LRRC7: variants seen among roughly 807,000 people sequenced by gnomAD.
The protein encoded by LRRC7 is leucine rich repeat containing 7, also known as leucine-rich repeat-containing protein 7.
LRRC7 carries 23 observed loss-of-function variants against 175.7 expected under a neutral mutation model. That is an observed-to-expected ratio of 0.13 (90% CI 0.09 to 0.19). The LOEUF (loss-of-function observed/expected upper bound fraction) is 0.19, where lower values mean the gene tolerates loss of function less well. Ranked by LOEUF, LRRC7 falls within the 10% of genes least tolerant of loss-of-function variation. LRRC7 has a pLI of 1.00. For synonymous variants in LRRC7, 685 were observed against 680.9 expected, an observed-to-expected ratio of 1.01 and a Z score of -0.09; for missense variants, 1,354 against 1,904.7, an observed-to-expected ratio of 0.71 and a Z score of 5.38.
At chr1:69,948,063 G>C (rs1001490231) in intron 8 of LRRC7, among the ~76,000 whole-genome samples, 2 of 152,060 alleles carry the variant, frequency 1.3e-5, no homozygotes, top group African/African-American at 4.8e-5. Flanking sequence ...TTGGACGAAG[G>C]GGTGACTCAC....
intron 7 of LRRC7, among the ~76,000 whole-genome samples, chr1:69,851,464 T>G (rs1332319766): frequency 1.3e-5 from 2 of 151,948 alleles, no homozygotes; most frequent in Non-Finnish European, 2.9e-5. Context: ...AGGGAAATAA[T>G]TACCAGAAGA....
chr1:70,061,924 C>T (rs1202932080), intron 23 of LRRC7, among the ~76,000 whole-genome samples: 2 of 152,120 alleles, frequency 1.3e-5, no homozygotes, highest in Non-Finnish European at 2.9e-5. Context: ...TACAATCATG[C>T]CGGTCACCTG....
intron 13 of LRRC7, among the ~76,000 whole-genome samples, chr1:70,015,549 G>A (rs1175253664): frequency 6.6e-6 from 1 of 151,994 alleles, no homozygotes; most frequent in Non-Finnish European, 1.5e-5. Context: ...AAGTCTCATT[G>A]GCATGCCTTG....
At chr1:69,806,024 A>G (rs1482248198) in intron 4 of LRRC7, among the ~76,000 whole-genome samples, 1 of 151,904 alleles carries the variant, frequency 6.6e-6, no homozygotes, top group African/African-American at 2.4e-5. Flanking sequence ...AAAAAAATTA[A>G]AAGAGCAAAC....
chr1:69,849,181 G>T (rs1570311756), intron 7 of LRRC7, among the ~76,000 whole-genome samples: 1 of 151,880 alleles, frequency 6.6e-6, no homozygotes, highest in Non-Finnish European at 1.5e-5. Flanking sequence ...AGATTACAAA[G>T]CTATGAATCT....
chr1:69,842,255 A>G lies in LRRC7; in HGVS notation c.647+3972A>G, dbSNP rs183058941. 3.6e-3 allele frequency among the ~76,000 whole-genome samples: 549 copies of G among 152,206 alleles called. 5 individuals are homozygous for G. The highest frequency in any genetic ancestry group is 0.013 in the African/African-American group (532 of 41,560). On this transcript the variant is annotated intron_variant, in intron 7 of 26. Coordinates refer to ENST00000651989, the MANE Select transcript of LRRC7 (RefSeq NM_001370785.2). Reference sequence around the variant, plus strand: ...CATAACATCATATAAATGGTTGGTAATAATGGTGGGTTTTAACTTTAAATA... The same window carrying G: ...CATAACATCATATAAATGGTTGGTAGTAATGGTGGGTTTTAACTTTAAATA...
chr1:69,680,179 C>T (rs1335485948), intron 2 of LRRC7, among the ~76,000 whole-genome samples: 3 of 152,074 alleles, frequency 2.0e-5, no homozygotes, highest in Admixed American at 1.3e-4. Context: ...CAAGCCACAC[C>T]TACTGAATCA....
chr1:69,609,480 A>T (rs897860721), intron 1 of LRRC7, among the ~76,000 whole-genome samples: 4 of 152,044 alleles, frequency 2.6e-5, no homozygotes, highest in African/African-American at 9.7e-5. Flanking sequence ...AGAAAAAAAT[A>T]AAAATGACCA....
At chr1:69,833,044 G>A (rs1680704137) in intron 5 of LRRC7, among the ~76,000 whole-genome samples, 2 of 151,232 alleles carry the variant, frequency 1.3e-5, no homozygotes, top group South Asian at 2.1e-4. Context: ...GGCGGAGGTT[G>A]CAGTGAGCCG....
intron 7 of LRRC7, among the ~76,000 whole-genome samples, chr1:69,904,572 G>A (rs557669255): frequency 1.7e-5 from 1 of 58,860 alleles, no homozygotes; most frequent in Non-Finnish European, 5.2e-5. Flanking sequence ...TTAGTATTTC[G>A]AGTAACATAA....
intron 8 of LRRC7, among the ~76,000 whole-genome samples, chr1:69,961,420 T>G (rs1371691718): frequency 6.6e-6 from 1 of 152,178 alleles, no homozygotes; most frequent in Non-Finnish European, 1.5e-5. Context: ...AAGCAATTTA[T>G]AGATTCAATG....
At chr1:70,043,329 G>T (rs568041470) in intron 21 of LRRC7, among the ~76,000 whole-genome samples, 3 of 152,054 alleles carry the variant, frequency 2.0e-5, no homozygotes, top group Non-Finnish European at 4.4e-5. Flanking sequence ...AGAATATTTG[G>T]ATCCACATAA....
intron 2 of LRRC7, among the ~76,000 whole-genome samples, chr1:69,750,093 T>TAAATAATAAATAATA (rs139997047): frequency 7.0e-6 from 1 of 142,202 alleles, no homozygotes; most frequent in Admixed American, 7.1e-5. Context: ...AATAAATAAA[T>TAAATAATAAATAATA]AATAATAACT....
intron 1 of LRRC7, among the ~76,000 whole-genome samples, chr1:69,659,081 A>G (rs1289000614): frequency 6.6e-6 from 1 of 152,028 alleles, no homozygotes; most frequent in Non-Finnish European, 1.5e-5. Flanking sequence ...CTGCTCACCC[A>G]CAGCCTACTA....
chr1:70,016,770 G>C (rs1361618367), intron 14 of LRRC7, among the ~76,000 whole-genome samples: 1 of 151,878 alleles, frequency 6.6e-6, no homozygotes, highest in Non-Finnish European at 1.5e-5. Context: ...AATTCTCTGA[G>C]ATCTAATACA....
At chr1:69,953,443 T>C (rs1650159531) in intron 8 of LRRC7, among the ~76,000 whole-genome samples, 2 of 152,068 alleles carry the variant, frequency 1.3e-5, no homozygotes, top group Admixed American at 1.3e-4. Context: ...TTTTGCCTTA[T>C]GTCTTAGTTG....
chr1:70,061,932 C>A (rs974643025), intron 23 of LRRC7, among the ~76,000 whole-genome samples: 2 of 152,080 alleles, frequency 1.3e-5, no homozygotes, highest in African/African-American at 4.8e-5. Flanking sequence ...TGCCGGTCAC[C>A]TGAGAGGCAG....
chr1:69,911,188 CG>C (rs200168506), intron 7 of LRRC7, among the ~76,000 whole-genome samples: 4,183 of 152,244 alleles, frequency 0.027, 189 homozygotes, highest in African/African-American at 0.095. Context: ...GGCTCGCGCA[CG>C]GTGCACTGCA....
chr1:69,913,191 A>T (rs1317420864), intron 7 of LRRC7, among the ~76,000 whole-genome samples: 1 of 152,214 alleles, frequency 6.6e-6, no homozygotes, highest in East Asian at 1.9e-4. Context: ...ATAAACATTA[A>T]CAAAGTGGTT....
Sources: gnomAD v4.1 joint callset for allele counts (sites outside exome capture counted in the v4.1 genomes callset) on GRCh38, gnomAD v4.1.1 for gene constraint, MANE v1.5 for transcripts, NCBI Gene and HGNC (gene_info 2026-07-23, HGNC 2026-07-21) for gene names.